Variants in GPC5 observed in about 807,000 individuals in gnomAD.
GPC5 encodes the protein glypican-5.
GPC5 carries 47 observed loss-of-function variants against 53.9 expected under a neutral mutation model. The ratio of observed to expected loss-of-function variants is 0.87; its 90% CI spans 0.69 to 1.11. The LOEUF (loss-of-function observed/expected upper bound fraction) is 1.11. GPC5 is among the 50% of genes most tolerant of loss of function. The pLI is 0.00. For synonymous variants in GPC5, 286 were observed against 263.3 expected (o/e 1.09, Z -0.84); for missense variants, 748 against 713.1 (o/e 1.05, Z -0.56).
At chr13:91,810,363 G>T in intron 5 of GPC5, among the ~76,000 whole-genome samples, 1 of 151,938 alleles carries the variant, frequency 6.6e-6, no homozygotes. Context: ...TTAGGGCACA[G>T]TATTTGAATA....
intron 2 of GPC5, among the ~76,000 whole-genome samples, chr13:91,604,512 C>A (rs1336359651): frequency 4.4e-4 from 64 of 145,536 alleles, no homozygotes; most frequent in African/African-American, 1.5e-3. Flanking sequence ...GTTCTAGATC[C>A]CTGAGGAATC....
At chr13:91,827,480 CAAAT>C (rs565174143) in intron 5 of GPC5, among the ~76,000 whole-genome samples, 6 of 151,548 alleles carry the variant, frequency 4.0e-5, no homozygotes, top group Non-Finnish European at 7.4e-5. Flanking sequence ...TATTAAAAGA[CAAAT>C]GAATAGAAGA....
At chr13:92,449,433 A>G (rs1877968247) in intron 7 of GPC5, among the ~76,000 whole-genome samples, 1 of 152,168 alleles carries the variant, frequency 6.6e-6, no homozygotes, top group African/African-American at 2.4e-5. Context: ...AATACAGAGA[A>G]TGGAAAATCC....
intron 4 of GPC5, among the ~76,000 whole-genome samples, chr13:91,728,980 A>C (rs771392649): frequency 5.9e-5 from 9 of 152,188 alleles, no homozygotes; most frequent in Non-Finnish European, 1.3e-4. Context: ...TGAGGATTGA[A>C]TTTTAAATTG....
intron 5 of GPC5, among the ~76,000 whole-genome samples, chr13:91,788,256 G>A (rs916585893): frequency 1.3e-5 from 2 of 152,146 alleles, no homozygotes; most frequent in Admixed American, 6.5e-5. Context: ...ACATGGGCAC[G>A]ACAGATTGAT....
intron 1 of GPC5, among the ~76,000 whole-genome samples, chr13:91,414,651 A>C (rs1401446364): frequency 1.3e-5 from 2 of 152,184 alleles, no homozygotes; most frequent in African/African-American, 4.8e-5. Context: ...AGTGCTTACA[A>C]ATCTCTCTGT....
At chr13:91,973,049 T>A (rs1343428521) in intron 6 of GPC5, among the ~76,000 whole-genome samples, 1 of 152,198 alleles carries the variant, frequency 6.6e-6, no homozygotes, top group Admixed American at 6.5e-5. Flanking sequence ...CTGGATAATA[T>A]CCTGCAGAGT....
chr13:92,594,745 A>T (rs1337230871), intron 7 of GPC5, among the ~76,000 whole-genome samples: 1 of 152,236 alleles, frequency 6.6e-6, no homozygotes, highest in African/African-American at 2.4e-5. Flanking sequence ...GAGAAAAAAT[A>T]TCACTTGAAA....
At chr13:92,266,913 A>C (rs2042806168) in intron 7 of GPC5, among the ~76,000 whole-genome samples, 1 of 152,062 alleles carries the variant, frequency 6.6e-6, no homozygotes, top group Admixed American at 6.6e-5. Flanking sequence ...TAAAAAACTT[A>C]ATGACACGGA....
chr13:92,582,067 T>C (rs936031036), intron 7 of GPC5, among the ~76,000 whole-genome samples: 5 of 152,134 alleles, frequency 3.3e-5, no homozygotes, highest in Admixed American at 6.5e-5. Context: ...GCAATCCTCT[T>C]TGTCTATTTT....
chr13:92,167,836 A>C (rs992555411), intron 7 of GPC5, among the ~76,000 whole-genome samples: 2 of 151,064 alleles, frequency 1.3e-5, no homozygotes, highest in Non-Finnish European at 2.9e-5. Flanking sequence ...AATTTTACTC[A>C]TTTTAGTTCA....
At chr13:91,682,688 A>G (rs981691913) in intron 2 of GPC5, among the ~76,000 whole-genome samples, 6 of 152,182 alleles carry the variant, frequency 3.9e-5, no homozygotes, top group Non-Finnish European at 8.8e-5. Context: ...CAGTCTTAGG[A>G]CATTGTTCTG....
At chr13:91,529,825 C>CT (rs998329962) in intron 2 of GPC5, among the ~76,000 whole-genome samples, 1 of 152,026 alleles carries the variant, frequency 6.6e-6, no homozygotes. Flanking sequence ...TGTCACCTCA[C>CT]TTTTTTTTGT....
intron 7 of GPC5, among the ~76,000 whole-genome samples, chr13:92,489,788 G>A (rs141808858): frequency 6.6e-6 from 1 of 152,008 alleles, no homozygotes; most frequent in East Asian, 1.9e-4. Context: ...GACAGAGCTG[G>A]GACTAAGGCT....
chr13:91,516,401 C>T (rs1192848264), intron 2 of GPC5, among the ~76,000 whole-genome samples: 1 of 152,112 alleles, frequency 6.6e-6, no homozygotes, highest in Admixed American at 6.5e-5. Flanking sequence ...TCCTGTGGGG[C>T]AGTCAAATTT....
chr13:91,804,029 T>C (rs2352202), intron 5 of GPC5, among the ~76,000 whole-genome samples: 78,240 of 151,248 alleles, frequency 0.52, 20,794 homozygotes, highest in East Asian at 0.73. Flanking sequence ...CAAAGAGACA[T>C]GGAGAAAAGG....
chr13:92,160,264 A>G (rs1351627549), intron 7 of GPC5, among the ~76,000 whole-genome samples: 1 of 152,182 alleles, frequency 6.6e-6, no homozygotes, highest in Non-Finnish European at 1.5e-5. Flanking sequence ...CAATTCCGAT[A>G]TTAAATTATA....
At chr13:92,202,042 A>G (rs547448956) in intron 7 of GPC5, among the ~76,000 whole-genome samples, 37 of 152,308 alleles carry the variant, frequency 2.4e-4, no homozygotes, top group African/African-American at 8.4e-4. Context: ...TTAGGTCTTC[A>G]TTTACACTAT....
intron 1 of GPC5, among the ~76,000 whole-genome samples, chr13:91,439,904 A>G (rs1477923920): frequency 5.9e-5 from 9 of 152,198 alleles, no homozygotes; most frequent in Admixed American, 1.3e-4. Context: ...CTGTCATTGT[A>G]ATCAAGCTGC....
Sources: allele counts gnomAD v4.1 joint callset (sites outside exome capture counted in the v4.1 genomes callset), GRCh38; gene constraint gnomAD v4.1.1; transcripts MANE v1.5; gene names NCBI Gene and HGNC (gene_info 2026-07-23, HGNC 2026-07-21).